Variants in NFRKB observed in about 807,000 individuals in gnomAD.
The protein encoded by NFRKB is nuclear factor related to kappa-B-binding protein.
A neutral mutation model predicts 135.7 loss-of-function variants in NFRKB; 62 were observed. That is an observed-to-expected ratio of 0.46 (90% CI 0.37 to 0.56). The LOEUF is 0.56. Ranked by LOEUF, NFRKB falls within the 20% of genes least tolerant of loss-of-function variation. The probability of loss-of-function intolerance (pLI) is 0.00; values close to 1 mark genes in which losing one functional copy is unlikely to be tolerated. For synonymous variants in NFRKB, 678 were observed against 635.6 expected (o/e 1.07, Z -1.00); for missense variants, 1,545 against 1,662.0 (o/e 0.93, Z 1.22).
At position 129,869,543 on chromosome 11, in the gene NFRKB, G is replaced by A; in HGVS notation, c.3482C>T (p.Thr1161Ile). The part of the protein sequence containing the change: ...TPISISTGAP[T>I]VRQVPVSTTV... ...GGTGCTGACAGGGACCTGCCGCACG[G>A]TGGGGGCTCCTGTGCTGATGCTGAT... The change falls in exon 24 of 27, where the codon ACC becomes ATC. Residue 1161 changes from threonine (T) to isoleucine (I), a missense_variant. Physicochemically the swap from Thr to Ile is moderately conservative, Grantham distance 89. Coordinates refer to ENST00000682444, the MANE Select transcript of NFRKB (RefSeq NM_001143835.2). 6.2e-7 allele frequency: 1 copy of A among 1,613,870 alleles called. No homozygotes were observed. Among genetic ancestry groups the A allele is most frequent in the Non-Finnish European group, 8.5e-7 (1 of 1,180,014 alleles).
At chr11:129,881,550 C>G (rs770893658) in intron 12 of NFRKB, 42 bp from the exon 13 acceptor site, 3 of 1,611,462 alleles carry the variant, frequency 1.9e-6, no homozygotes, top group Non-Finnish European at 8.5e-7. Context: ...ACAGGTGCGT[C>G]CCTGAGCTCC....
chr11:129,883,888 G>A (rs1308121973), intron 8 of NFRKB, among the ~76,000 whole-genome samples, 182 bp downstream of exon 8: 1 of 152,166 alleles, frequency 6.6e-6, no homozygotes, highest in Admixed American at 6.5e-5. Context: ...AGCAGGCCCT[G>A]CGAAGTCAAA....
chr11:129,888,690 T>C lies in NFRKB; in HGVS notation c.241A>G (p.Ser81Gly), dbSNP rs1333609588. 1.2e-6 allele frequency: 2 copies of C among 1,614,096 alleles called. No individual in the cohort carries two copies. The highest frequency in any genetic ancestry group is 2.2e-5 in the East Asian group (1 of 44,892). The stretch of plus-strand genomic sequence containing the variant: ...ATGAGTTCATTCTGCTGCTCAGCAC[T>C]GTCTTCAGGAAACTGGGGCAGAAAC... ...QQFLPQFPED[S>G]AEQQNELILA... The change falls in exon 4 of 27, where the codon AGT (serine) becomes GGT (glycine). Residue 81 changes from serine (S) to glycine (G), a missense_variant. Physicochemically the swap from Ser to Gly is moderately conservative, Grantham distance 56. Coordinates refer to ENST00000682444, the MANE Select transcript of NFRKB (RefSeq NM_001143835.2).
At position 129,882,429 on chromosome 11, in the gene NFRKB, A is replaced by G. The variant is rs745583133; in HGVS notation, c.1082+22T>C. On this transcript the variant is annotated intron_variant, in intron 10 of 26. Coordinates refer to ENST00000682444, the MANE Select transcript of NFRKB (RefSeq NM_001143835.2). ...CTTACCCATTCACCCTGAGAATTAC[A>G]GAATCTCTGTTGCTCACTTACTCTT... The G allele has an allele frequency of 3.1e-6, 5 of 1,609,538 alleles. No individual in the cohort carries two copies. The African/African-American group carries it at 6.7e-5, about 22-fold the overall frequency.
At chr11:129,882,878 G>A (rs1009140245) in intron 9 of NFRKB, among the ~76,000 whole-genome samples, 7 of 151,848 alleles carry the variant, frequency 4.6e-5, no homozygotes, top group East Asian at 1.9e-4. Context: ...CAATCTCCCC[G>A]GTTCAAGCGA....
chr11:129,877,475 A>G (rs1194645641), intron 15 of NFRKB, 90 bp from the exon 16 acceptor site: 2 of 1,176,308 alleles, frequency 1.7e-6, no homozygotes, highest in African/African-American at 3.0e-5. Context: ...CCACTGTGAC[A>G]TGGAAAGATG....
chr11:129,892,304 G>C (rs531058117), intron 3 of NFRKB, among the ~76,000 whole-genome samples: 1 of 152,134 alleles, frequency 6.6e-6, no homozygotes, highest in East Asian at 1.9e-4. Flanking sequence ...AATGATGTTT[G>C]GTTTTCCATT....
chr11:129,880,694 G>A (rs1757860228), intron 13 of NFRKB, among the ~76,000 whole-genome samples: 1 of 152,106 alleles, frequency 6.6e-6, no homozygotes, highest in South Asian at 2.1e-4. Context: ...ATCTAAGTAA[G>A]TATTTCTTCC....
Position 129,863,745 on chromosome 11 carries a change from AG to A in NFRKB, c.*979del, listed in dbSNP as rs1322286736. The A allele has an allele frequency of 6.6e-6, 1 of 152,354 alleles. No individual in the cohort carries two copies. Among genetic ancestry groups the A allele is most frequent in the Non-Finnish European group, 1.5e-5 (1 of 68,110 alleles). 9.4% of individuals were successfully genotyped at this position (152,354 alleles called of 1,614,324 possible). A position where few individuals can be genotyped will look rare whatever the true frequency, so the allele number is the denominator to read the frequency against. On this transcript the variant is annotated 3_prime_UTR_variant, in exon 27 of 27. Transcript: ENST00000682444. ...CAATTCTGCCTTCGAATCTGAAAGC[AG>A]CCACAGATAATACAAACACAAATTG...
intron 6 of NFRKB, 130 bp from the exon 7 acceptor site, chr11:129,884,976 C>A: frequency 7.2e-7 from 1 of 1,381,752 alleles, no homozygotes; most frequent in South Asian, 1.3e-5. Context: ...ACAATCCTTT[C>A]TGACCCTACC....
intron 4 of NFRKB, 87 bp from the exon 5 acceptor site, chr11:129,886,531 G>T: frequency 8.0e-7 from 1 of 1,250,312 alleles, no homozygotes; most frequent in Non-Finnish European, 1.1e-6. Context: ...TGCTTAACAT[G>T]GTAAACTCTG....
intron 4 of NFRKB, among the ~76,000 whole-genome samples, chr11:129,886,855 T>C (rs1949303261): frequency 6.6e-6 from 1 of 152,330 alleles, no homozygotes; most frequent in Admixed American, 6.5e-5. Context: ...TAAAGCCAAG[T>C]GGGTCCCCAA....
At chr11:129,878,600 C>G (rs1948885568) in intron 13 of NFRKB, 57 bp from the exon 14 acceptor site, 2 of 1,390,584 alleles carry the variant, frequency 1.4e-6, no homozygotes, top group South Asian at 2.4e-5. Flanking sequence ...TATTGAGAAT[C>G]CTGCTTTCTC....
intron 23 of NFRKB, 85 bp downstream of exon 23, chr11:129,872,799 T>C (rs535394904): frequency 6.0e-6 from 8 of 1,339,414 alleles, no homozygotes; most frequent in South Asian, 4.2e-5. Flanking sequence ...CCCATGGGCA[T>C]GCAGTCTGGC....
At position 129,872,995 on chromosome 11, in the gene NFRKB, G is replaced by T; in HGVS notation, c.2652C>A (p.Ala884=). 1 of 1,614,224 alleles carries T rather than the reference G, an allele frequency of 6.2e-7. No homozygotes were observed. The highest frequency in any genetic ancestry group is 8.5e-7 in the Non-Finnish European group (1 of 1,180,042). ...QTGLTVTSLP[A]TASPVSKPAT... is the part of the protein sequence containing the mutation. ...CTGGCTTACTCACAGGGCTGGCTGT[G>T]GCAGGGAGACTTGTCACCGTGAGCC... The change falls in exon 23 of 27, where the codon GCC becomes GCA. Residue 884 remains alanine, a synonymous_variant. Transcript: ENST00000682444.
intron 7 of NFRKB, among the ~76,000 whole-genome samples, 174 bp from the exon 8 acceptor site, chr11:129,884,317 T>C (rs2135666598): frequency 6.6e-6 from 1 of 152,304 alleles, no homozygotes; most frequent in East Asian, 1.9e-4. Context: ...ACGTTGGTAA[T>C]ATATGACTTC....
At chr11:129,883,968 G>C in intron 8 of NFRKB, 102 bp downstream of exon 8, 1 of 1,189,964 alleles carries the variant, frequency 8.4e-7, no homozygotes, top group South Asian at 1.2e-5. Flanking sequence ...GTGGTAGGGA[G>C]GACATACAGA....
chr11:129,888,249 C>T lies in NFRKB; in HGVS notation c.337+345G>A, dbSNP rs757850244. On this transcript the variant is annotated intron_variant, in intron 4 of 26. Coordinates refer to ENST00000682444, the MANE Select transcript of NFRKB (RefSeq NM_001143835.2). ...ACACACACACACACGAACCTTGATA[C>T]GTGCAATAAAGCAAATGGCAAGCTC... The T allele has an allele frequency of 4.9e-4, 284 of 578,118 alleles. 1 individual carries two copies. The highest frequency in any genetic ancestry group is 4.3e-4 in the Non-Finnish European group (141 of 327,310). The allele number at this position is 578,118 out of a possible 1,614,324, so 35.8% of individuals were successfully genotyped here. A position where few individuals can be genotyped will look rare whatever the true frequency, so the allele number is the denominator to read the frequency against.
intron 3 of NFRKB, among the ~76,000 whole-genome samples, chr11:129,891,681 T>C (rs572730628): frequency 1.3e-5 from 2 of 152,316 alleles, no homozygotes; most frequent in East Asian, 1.9e-4. Flanking sequence ...GTAACCACAG[T>C]GTACACCCTC....
Sources: allele counts gnomAD v4.1 joint callset (sites outside exome capture counted in the v4.1 genomes callset), GRCh38; gene constraint gnomAD v4.1.1; transcripts MANE v1.5; gene names NCBI Gene and HGNC (gene_info 2026-07-23, HGNC 2026-07-21).